MANBA: variants seen among roughly 807,000 people sequenced by gnomAD.
MANBA encodes the protein beta-mannosidase.
MANBA carries 83 observed loss-of-function variants against 111.1 expected under a neutral mutation model. That is an observed-to-expected ratio of 0.75 (90% CI 0.63 to 0.90). The LOEUF is 0.90. Among genes scored for constraint, MANBA ranks in the 40% least tolerant of loss-of-function variants. MANBA has a pLI of 0.00. For missense variants in MANBA, 1,036 were observed against 1,069.0 expected (o/e 0.97, Z 0.43); for synonymous variants, 370 against 378.7 (o/e 0.98, Z 0.27).
chr4:102,651,034 T>C (rs1205675143), intron 12 of MANBA, among the ~76,000 whole-genome samples: 1 of 152,052 alleles, frequency 6.6e-6, no homozygotes, highest in Non-Finnish European at 1.5e-5. Context: ...TTTTTAAATA[T>C]CATTTTATCT....
intron 12 of MANBA, among the ~76,000 whole-genome samples, chr4:102,655,088 A>G: frequency 6.6e-6 from 1 of 152,206 alleles, no homozygotes. Context: ...TAATTTATTT[A>G]CAATAGCGTC....
At chr4:102,659,769 C>T (rs1417789499) in intron 11 of MANBA, among the ~76,000 whole-genome samples, 1 of 152,124 alleles carries the variant, frequency 6.6e-6, no homozygotes, top group African/African-American at 2.4e-5. Context: ...CTTTCTGTCC[C>T]CACTTATTCC....
At chr4:102,728,554 CA>C (rs571370873) in intron 1 of MANBA, 32,679 of 284,758 alleles carry the variant, frequency 0.11, no homozygotes, top group South Asian at 0.2. Context: ...TATTTTGGAC[CA>C]AAAAAAAAAA....
chr4:102,760,623 G>T, intron 1 of MANBA, 95 bp downstream of exon 1: 1 of 1,315,316 alleles, frequency 7.6e-7, no homozygotes, highest in Non-Finnish European at 1.0e-6. Flanking sequence ...GACGAGAATG[G>T]CCCAGAGCTG....
chr4:102,722,801 A>G, intron 4 of MANBA, 70 bp downstream of exon 4: 2 of 1,490,814 alleles, frequency 1.3e-6, no homozygotes, highest in Non-Finnish European at 1.9e-6. Context: ...GGAGTCTTCA[A>G]ATAAGCATTT....
intron 1 of MANBA, among the ~76,000 whole-genome samples, chr4:102,759,612 C>G (rs80307983): frequency 6.7e-6 from 1 of 149,606 alleles, no homozygotes; most frequent in South Asian, 2.1e-4. Flanking sequence ...AAATTTGGCA[C>G]AACCCTAGAT....
intron 13 of MANBA, among the ~76,000 whole-genome samples, chr4:102,646,235 T>C (rs1011968705): frequency 6.6e-6 from 1 of 152,086 alleles, no homozygotes; most frequent in African/African-American, 2.4e-5. Context: ...ACTCCTAATA[T>C]ATAATACACA....
chr4:102,676,758 A>T (rs746671534), intron 7 of MANBA, among the ~76,000 whole-genome samples: 1 of 152,176 alleles, frequency 6.6e-6, no homozygotes, highest in Non-Finnish European at 1.5e-5. Flanking sequence ...GTACTAAATA[A>T]TTTTTTGAAT....
intron 11 of MANBA, among the ~76,000 whole-genome samples, chr4:102,660,698 C>T (rs1213836067): frequency 6.6e-6 from 1 of 151,068 alleles, no homozygotes; most frequent in Admixed American, 6.6e-5. Flanking sequence ...TCAAATGTTC[C>T]CCCTGCCTCA....
chr4:102,696,377 T>C (rs1732708451), intron 5 of MANBA, among the ~76,000 whole-genome samples: 2 of 152,192 alleles, frequency 1.3e-5, no homozygotes, highest in South Asian at 4.1e-4. Context: ...CTAAAATAGT[T>C]ATGTGAGCAT....
At chr4:102,659,663 T>C (rs1730834241) in intron 11 of MANBA, among the ~76,000 whole-genome samples, 1 of 152,136 alleles carries the variant, frequency 6.6e-6, no homozygotes. Flanking sequence ...ATCCTCTCAT[T>C]CCTAAACCCC....
intron 4 of MANBA, among the ~76,000 whole-genome samples, chr4:102,717,671 G>T (rs993658209): frequency 6.6e-6 from 1 of 152,188 alleles, no homozygotes; most frequent in Non-Finnish European, 1.5e-5. Flanking sequence ...TGGGATTACA[G>T]TCATGAGTCA....
At chr4:102,678,860 G>C (rs1731840215) in intron 7 of MANBA, among the ~76,000 whole-genome samples, 1 of 152,178 alleles carries the variant, frequency 6.6e-6, no homozygotes, top group African/African-American at 2.4e-5. Flanking sequence ...CCAAACAGAT[G>C]ATATGTAATG....
At chr4:102,756,169 G>A (rs1724003867) in intron 1 of MANBA, among the ~76,000 whole-genome samples, 1 of 152,204 alleles carries the variant, frequency 6.6e-6, no homozygotes, top group South Asian at 2.1e-4. Context: ...AAAGACACAT[G>A]CACATGTATG....
chr4:102,694,310 T>C lies in MANBA; in HGVS notation c.674-3539A>G, dbSNP rs149128301. ...CATATTTTTCCCCTCTCCTCTTCTTTCAAATAGAGTAAACCCCTTCCTTCC... is the reference window on the plus strand; with the variant it reads ...CATATTTTTCCCCTCTCCTCTTCTTCCAAATAGAGTAAACCCCTTCCTTCC... On this transcript the variant is annotated intron_variant, in intron 5 of 16. Transcript: ENST00000647097. Among the ~76,000 whole-genome samples, 214 of 152,298 alleles carry C rather than the reference T, an allele frequency of 1.4e-3. 1 individual carries two copies. Among genetic ancestry groups the C allele is most frequent in the African/African-American group, 5.0e-3 (207 of 41,576 alleles).
chr4:102,703,867 G>A (rs112988605), intron 5 of MANBA, among the ~76,000 whole-genome samples: 4,235 of 152,224 alleles, frequency 0.028, 138 homozygotes, highest in African/African-American at 0.078. Flanking sequence ...AGGCTGAGGC[G>A]GGTGGATCAC....
At chr4:102,752,605 C>G in intron 1 of MANBA, 1 of 613,284 alleles carries the variant, frequency 1.6e-6, no homozygotes, top group South Asian at 1.4e-5. Context: ...TGTATTCCTA[C>G]AGATATTCAC....
At chr4:102,634,659 C>A (rs775704000) in intron 16 of MANBA, 129 bp downstream of exon 16, 21 of 1,269,746 alleles carry the variant, frequency 1.7e-5, no homozygotes, top group Non-Finnish European at 2.2e-5. Flanking sequence ...GCCAATCTTC[C>A]CCCAGGCCTC....
At chr4:102,667,501 A>G (rs951708897) in intron 10 of MANBA, 3 of 152,176 alleles carry the variant, frequency 2.0e-5, no homozygotes, top group African/African-American at 4.8e-5. Flanking sequence ...GGAAAAGATA[A>G]TAGATGTACT....
Sources: allele counts gnomAD v4.1 joint callset (sites outside exome capture counted in the v4.1 genomes callset), GRCh38; gene constraint gnomAD v4.1.1; transcripts MANE v1.5; gene names NCBI Gene and HGNC (gene_info 2026-07-23, HGNC 2026-07-21).